The following LGR6 variants were observed in gnomAD, a reference collection of about 807,000 sequenced individuals.
The protein encoded by LGR6 is leucine-rich repeat-containing G protein-coupled receptor 6.
In LGR6, 45 loss-of-function variants were observed where a neutral mutation model predicts 69.4. That is an observed-to-expected ratio of 0.65 (90% CI 0.51 to 0.83). The LOEUF is 0.83. Ranked by LOEUF, LGR6 falls within the 40% of genes least tolerant of loss-of-function variation. The pLI is 0.00. For synonymous variants in LGR6, 538 were observed against 555.0 expected (o/e 0.97, Z 0.43); for missense variants, 1,108 against 1,246.7 (o/e 0.89, Z 1.68).
chr1:202,233,283 A>G (rs1454714699), intron 3 of LGR6, among the ~76,000 whole-genome samples: 1 of 152,178 alleles, frequency 6.6e-6, no homozygotes, highest in Non-Finnish European at 1.5e-5. Flanking sequence ...GATGTAGGTA[A>G]AGATGCATTG....
chr1:202,238,999 GGCGTC>G (rs1429563037), intron 4 of LGR6, among the ~76,000 whole-genome samples: 1 of 152,140 alleles, frequency 6.6e-6, no homozygotes, highest in Non-Finnish European at 1.5e-5. Context: ...CCCCCAAAAT[GGCGTC>G]AGCCCCAAGT....
chr1:202,238,333 C>T (rs890760367), intron 4 of LGR6, among the ~76,000 whole-genome samples: 4 of 151,208 alleles, frequency 2.6e-5, no homozygotes, highest in African/African-American at 9.7e-5. Flanking sequence ...AACTCCTGAG[C>T]CAAAGCAATC....
At chr1:202,309,889 T>TCTG (rs1478014124) in intron 15 of LGR6, among the ~76,000 whole-genome samples, 6 of 152,196 alleles carry the variant, frequency 3.9e-5, no homozygotes, top group African/African-American at 1.4e-4. Context: ...TGGGGAAGCC[T>TCTG]CTGCCCGCTC....
chr1:202,249,019 G>A (rs1333894604), intron 4 of LGR6, among the ~76,000 whole-genome samples: 1 of 152,082 alleles, frequency 6.6e-6, no homozygotes, highest in Non-Finnish European at 1.5e-5. Flanking sequence ...AGCATCTCCT[G>A]CGTGATAGAT....
At chr1:202,280,367 T>G (rs527358681) in intron 5 of LGR6, among the ~76,000 whole-genome samples, 54 of 152,302 alleles carry the variant, frequency 3.5e-4, no homozygotes, top group African/African-American at 1.3e-3. Context: ...ATATGTTGAC[T>G]GCAGTGGTTT....
chr1:202,308,923 C>T, intron 14 of LGR6, 128 bp from the exon 15 acceptor site: 1 of 1,148,728 alleles, frequency 8.7e-7, no homozygotes, highest in Non-Finnish European at 1.2e-6. Flanking sequence ...CTCTTCTAAG[C>T]TTCTCTCCTG....
intron 4 of LGR6, among the ~76,000 whole-genome samples, chr1:202,239,592 A>G (rs1025813880): frequency 6.6e-6 from 1 of 152,156 alleles, no homozygotes; most frequent in Non-Finnish European, 1.5e-5. Context: ...TATAGGGGGC[A>G]GTCTGAAGGT....
At chr1:202,261,457 C>A (rs954363735) in intron 4 of LGR6, among the ~76,000 whole-genome samples, 1 of 152,100 alleles carries the variant, frequency 6.6e-6, no homozygotes, top group Non-Finnish European at 1.5e-5. Context: ...CGTGTATGTG[C>A]CACATTTTCT....
At chr1:202,295,211 C>A (rs746450591) in intron 6 of LGR6, among the ~76,000 whole-genome samples, 1 of 151,486 alleles carries the variant, frequency 6.6e-6, no homozygotes, top group African/African-American at 2.4e-5. Flanking sequence ...GCCTGTAATC[C>A]CAGCTACTCA....
chr1:202,295,820 A>G (rs2148237621), intron 6 of LGR6, among the ~76,000 whole-genome samples: 1 of 151,942 alleles, frequency 6.6e-6, no homozygotes, highest in South Asian at 2.1e-4. Context: ...GGGATTTTCT[A>G]CTGTAATTAC....
chr1:202,229,149 C>A (rs1660806708), intron 3 of LGR6, among the ~76,000 whole-genome samples: 1 of 152,176 alleles, frequency 6.6e-6, no homozygotes, highest in South Asian at 2.1e-4. Flanking sequence ...GTTCAACACT[C>A]CACATCTAAG....
chr1:202,275,671 G>A (rs902179364), intron 4 of LGR6, among the ~76,000 whole-genome samples: 1 of 152,188 alleles, frequency 6.6e-6, no homozygotes, highest in Non-Finnish European at 1.5e-5. Flanking sequence ...AAGGGACAAG[G>A]AACAGGTGGT....
At chr1:202,251,772 G>A (rs562452768) in intron 4 of LGR6, among the ~76,000 whole-genome samples, 2 of 152,312 alleles carry the variant, frequency 1.3e-5, no homozygotes, top group Admixed American at 1.3e-4. Context: ...CTGGGGGCCT[G>A]AAGGGCCTTA....
intron 16 of LGR6, among the ~76,000 whole-genome samples, chr1:202,313,318 T>TTC (rs1336629908): frequency 6.6e-6 from 1 of 152,166 alleles, no homozygotes; most frequent in Non-Finnish European, 1.5e-5. Context: ...TAGAAGTGCT[T>TTC]TCTCTCCCAT....
chr1:202,303,176 C>T (rs1572002082), intron 9 of LGR6, 103 bp from the exon 10 acceptor site: 2 of 880,114 alleles, frequency 2.3e-6, no homozygotes, highest in Admixed American at 1.8e-5. Flanking sequence ...TGACATTGCC[C>T]CCAAAGGAGG....
At chr1:202,303,756 C>G (rs1395102342) in intron 10 of LGR6, among the ~76,000 whole-genome samples, 2 of 152,160 alleles carry the variant, frequency 1.3e-5, no homozygotes, top group African/African-American at 4.8e-5. Flanking sequence ...GGCAGGAGTG[C>G]CGACGCATAG....
intron 1 of LGR6, among the ~76,000 whole-genome samples, chr1:202,205,668 C>G (rs1373567756): frequency 2.1e-5 from 3 of 141,976 alleles, no homozygotes; most frequent in African/African-American, 7.8e-5. Flanking sequence ...ACACCTCCCT[C>G]AAACATACAC....
intron 3 of LGR6, among the ~76,000 whole-genome samples, chr1:202,229,426 C>T (rs939457320): frequency 6.6e-5 from 10 of 152,324 alleles, no homozygotes; most frequent in African/African-American, 2.2e-4. Context: ...AACAGACACA[C>T]AGTGCAGGCG....
chr1:202,224,391 C>T (rs60012335), intron 1 of LGR6, among the ~76,000 whole-genome samples: 3,105 of 152,102 alleles, frequency 0.02, 121 homozygotes, highest in African/African-American at 0.071. Context: ...GCTGTGGATC[C>T]GCAGAGGGAC....
Sources: gnomAD v4.1 joint callset for allele counts (sites outside exome capture counted in the v4.1 genomes callset) on GRCh38, gnomAD v4.1.1 for gene constraint, MANE v1.5 for transcripts, NCBI Gene and HGNC (gene_info 2026-07-23, HGNC 2026-07-21) for gene names.